Variants in PDE6D observed in about 807,000 individuals in gnomAD.
PDE6D encodes the protein phosphodiesterase 6D, also known as retinal rod rhodopsin-sensitive cGMP 3',5'-cyclic phosphodiesterase subunit delta.
PDE6D carries 10 observed loss-of-function variants against 21.9 expected under a neutral mutation model. The ratio of observed to expected loss-of-function variants is 0.46; its 90% CI spans 0.28 to 0.78. The LOEUF is 0.78. Among genes scored for constraint, PDE6D ranks in the 30% least tolerant of loss-of-function variants. The probability of loss-of-function intolerance (pLI) is 0.12; values close to 1 mark genes in which losing one functional copy is unlikely to be tolerated. For synonymous variants in PDE6D, 59 were observed against 63.5 expected (o/e 0.93, Z 0.34); for missense variants, 139 against 184.8 (o/e 0.75, Z 1.44).
At chr2:231,737,652 G>A (rs2048712376) in intron 3 of PDE6D, 1 of 298,812 alleles carries the variant, frequency 3.3e-6, no homozygotes, top group African/African-American at 2.2e-5. Flanking sequence ...ACTGCATGGT[G>A]AGAATTCAAT....
intron 1 of PDE6D, among the ~76,000 whole-genome samples, chr2:231,754,681 CT>C (rs112353154): frequency 0.08 from 11,488 of 143,668 alleles, 1,318 homozygotes; most frequent in African/African-American, 0.25. Flanking sequence ...CTTCTTTTGT[CT>C]TTTTTTTTTT....
At chr2:231,749,502 CTTTT>C (rs150014433) in intron 1 of PDE6D, among the ~76,000 whole-genome samples, 1 of 122,964 alleles carries the variant, frequency 8.1e-6, no homozygotes, top group Non-Finnish European at 1.7e-5. Flanking sequence ...TCAGATGAGA[CTTTT>C]TTTTTTTTTT....
chr2:231,776,316 C>T (rs555861412), intron 1 of PDE6D, among the ~76,000 whole-genome samples: 33 of 118,988 alleles, frequency 2.8e-4, no homozygotes, highest in African/African-American at 8.2e-4. Flanking sequence ...AGCAAGACTC[C>T]GTCTCAAAAA....
intron 1 of PDE6D, among the ~76,000 whole-genome samples, chr2:231,748,007 T>A (rs559910671): frequency 6.6e-6 from 1 of 152,334 alleles, no homozygotes; most frequent in South Asian, 2.1e-4. Context: ...TAAAGCTTTT[T>A]TTTTGTTGTT....
At chr2:231,735,824 G>A (rs939100194) in intron 4 of PDE6D, among the ~76,000 whole-genome samples, 3 of 151,746 alleles carry the variant, frequency 2.0e-5, no homozygotes, top group African/African-American at 7.3e-5. Context: ...AGGAGTTCGA[G>A]ACCAGCTTGA....
At chr2:231,755,595 C>T (rs1033785922) in intron 1 of PDE6D, among the ~76,000 whole-genome samples, 1 of 151,632 alleles carries the variant, frequency 6.6e-6, no homozygotes, top group African/African-American at 2.4e-5. Flanking sequence ...GCATGATGCC[C>T]AATATTTATT....
intron 1 of PDE6D, among the ~76,000 whole-genome samples, chr2:231,755,571 CA>C (rs1303007074): frequency 1.3e-5 from 2 of 151,914 alleles, no homozygotes; most frequent in African/African-American, 4.8e-5. Flanking sequence ...TATGAAAATA[CA>C]AAAGTTAGCC....
In PDE6D at chr2:231,781,174, G is replaced by T; in HGVS notation, c.-60C>A. 6.4e-7 allele frequency: 1 copy of T among 1,551,832 alleles called. No homozygotes were observed. The highest frequency in any genetic ancestry group is 8.9e-7 in the Non-Finnish European group (1 of 1,127,858). ...TGGTCGGCGGAGCCTCGCAGACGGT[G>T]CCCAGGAGCCGAGGATGGAGCCGCA... On this transcript the variant is annotated 5_prime_UTR_variant, in exon 1 of 5. Coordinates refer to ENST00000287600, the MANE Select transcript of PDE6D (RefSeq NM_002601.4).
rs1311694219 is a variant in PDE6D at position 231,737,759 on chromosome 2, T to C, written c.265+254A>G. 6.9e-6 allele frequency: 3 copies of C among 436,892 alleles called. No homozygotes were observed. The South Asian group carries it at 1.0e-4, about 15-fold the overall frequency. The allele number at this position is 436,892 out of a possible 1,614,324, so 27.1% of individuals were successfully genotyped here. On this transcript the variant is annotated intron_variant, in intron 3 of 4. Coordinates refer to ENST00000287600, the MANE Select transcript of PDE6D (RefSeq NM_002601.4). The stretch of plus-strand genomic sequence containing the variant: ...AGCTTCCTCCATGATCATATCACAA[T>C]ACAACGTCAGTGCCTAAACCAGGCA...
At chr2:231,748,925 T>A (rs1390828918) in intron 1 of PDE6D, among the ~76,000 whole-genome samples, 1 of 152,160 alleles carries the variant, frequency 6.6e-6, no homozygotes, top group African/African-American at 2.4e-5. Context: ...TTTAGATGTA[T>A]GGAAATGCCT....
At chr2:231,779,404 TAAA>T (rs1263488874) in intron 1 of PDE6D, 2 of 152,222 alleles carry the variant, frequency 1.3e-5, no homozygotes, top group Admixed American at 1.3e-4. Context: ...CAAAAGCCAT[TAAA>T]AAGGCCTTTC....
At chr2:231,769,794 G>A (rs189646895) in intron 1 of PDE6D, among the ~76,000 whole-genome samples, 1 of 152,244 alleles carries the variant, frequency 6.6e-6, no homozygotes, top group Non-Finnish European at 1.5e-5. Flanking sequence ...CACAGAAAAG[G>A]AAATAGTCTG....
intron 1 of PDE6D, among the ~76,000 whole-genome samples, chr2:231,748,338 T>C (rs2048810778): frequency 6.6e-6 from 1 of 152,210 alleles, no homozygotes; most frequent in Non-Finnish European, 1.5e-5. Flanking sequence ...TTAGCAAAGA[T>C]ACTGGTGGCA....
At chr2:231,742,557 CA>C (rs1054969576) in intron 1 of PDE6D, among the ~76,000 whole-genome samples, 1 of 152,122 alleles carries the variant, frequency 6.6e-6, no homozygotes, top group African/African-American at 2.4e-5. Flanking sequence ...AGAAAATTAA[CA>C]TTATGCAAGC....
chr2:231,735,294 C>G (rs537152159), intron 4 of PDE6D, among the ~76,000 whole-genome samples: 1 of 144,014 alleles, frequency 6.9e-6, no homozygotes, highest in South Asian at 2.3e-4. Context: ...TTAAAAAATT[C>G]TATTACAATT....
At chr2:231,763,271 A>C (rs1310947058) in intron 1 of PDE6D, among the ~76,000 whole-genome samples, 1 of 152,200 alleles carries the variant, frequency 6.6e-6, no homozygotes, top group Non-Finnish European at 1.5e-5. Context: ...TTTTACATGG[A>C]GGGTAGCATT....
At chr2:231,759,800 C>G (rs1031620717) in intron 1 of PDE6D, among the ~76,000 whole-genome samples, 8 of 152,084 alleles carry the variant, frequency 5.3e-5, no homozygotes, top group Admixed American at 2.0e-4. Context: ...TCTTTATAAG[C>G]AGTAAGAATG....
rs144425574 is a variant in PDE6D, at chr2:231,750,188, C to T, written c.51-11000G>A. On this transcript the variant is annotated intron_variant, in intron 1 of 4. Coordinates refer to ENST00000287600, the MANE Select transcript of PDE6D (RefSeq NM_002601.4). ...TTGCTGCTGTCATGTAAGAGCCTTT[C>T]GCCTCCCGCCATGATTGTGAGGTCA... Among the ~76,000 whole-genome samples, 48 of 152,248 alleles carry T rather than the reference C, an allele frequency of 3.2e-4. No homozygotes were observed. The South Asian group carries it at 6.7e-3, about 21-fold the overall frequency.
intron 1 of PDE6D, among the ~76,000 whole-genome samples, chr2:231,770,852 C>G (rs571920177): frequency 6.6e-6 from 1 of 151,710 alleles, no homozygotes; most frequent in Non-Finnish European, 1.5e-5. Flanking sequence ...GCTCGGGAGA[C>G]TGAGGCAGGA....
Sources: allele counts gnomAD v4.1 joint callset (sites outside exome capture counted in the v4.1 genomes callset), GRCh38; gene constraint gnomAD v4.1.1; transcripts MANE v1.5; gene names NCBI Gene and HGNC (gene_info 2026-07-23, HGNC 2026-07-21).